Variants in MEI4 observed in about 807,000 individuals in gnomAD.
MEI4 encodes meiotic double-stranded break formation protein 4.
In MEI4, 27 loss-of-function variants were observed where a neutral mutation model predicts 31.4. That is an observed-to-expected ratio of 0.86 (90% CI 0.63 to 1.19). The LOEUF (loss-of-function observed/expected upper bound fraction) is 1.19, where lower values mean the gene tolerates loss of function less well. Among genes scored for constraint, MEI4 ranks in the 50% most tolerant of loss-of-function variants. The pLI is 0.00. For missense variants in MEI4, 329 were observed against 398.9 expected (o/e 0.82, Z 1.49); for synonymous variants, 122 against 145.4 (o/e 0.84, Z 1.16).
chr6:77,766,419 T>A (rs892478509), intron 3 of MEI4, among the ~76,000 whole-genome samples: 1 of 152,164 alleles, frequency 6.6e-6, no homozygotes, highest in Non-Finnish European at 1.5e-5. Context: ...GATATTTATT[T>A]ATTTATTTTT....
chr6:77,699,087 C>A lies in MEI4; in HGVS notation c.232+8184C>A, dbSNP rs532502705. Among the ~76,000 whole-genome samples the A allele has an allele frequency of 2.0e-5, 3 of 152,092 alleles. No individual in the cohort carries two copies. In the South Asian group the frequency reaches 6.2e-4, roughly 32 times the overall value. ...GCTCCTGAGGCTTCTGCATTCTTCA[C>A]GTAGTTCTTGAGCCTTGGCCTTCAG... On this transcript the variant is annotated intron_variant, in intron 2 of 4. Transcript: ENST00000684080.
chr6:77,738,876 G>A (rs945506602), intron 2 of MEI4, among the ~76,000 whole-genome samples: 5 of 152,064 alleles, frequency 3.3e-5, no homozygotes, highest in Admixed American at 6.6e-5. Context: ...TTTCTTGGCC[G>A]CATAAATGTC....
At chr6:77,872,801 A>T (rs903466095) in intron 4 of MEI4, among the ~76,000 whole-genome samples, 1 of 142,082 alleles carries the variant, frequency 7.0e-6, no homozygotes, top group Non-Finnish European at 1.5e-5. Flanking sequence ...TCATTGTTCA[A>T]TTCCCACCTA....
chr6:77,869,263 TTAGA>T (rs1771138081), intron 4 of MEI4, among the ~76,000 whole-genome samples: 1 of 152,126 alleles, frequency 6.6e-6, no homozygotes, highest in Non-Finnish European at 1.5e-5. Flanking sequence ...AGCTGTGTCA[TTAGA>T]TAGAATAATC....
intron 4 of MEI4, among the ~76,000 whole-genome samples, chr6:77,918,244 G>A (rs1233454816): frequency 2.4e-3 from 357 of 151,572 alleles, no homozygotes; most frequent in African/African-American, 7.5e-3. Flanking sequence ...TTGACTTGGC[G>A]ATGCAGGCTC....
At chr6:77,876,066 C>G (rs1206372253) in intron 4 of MEI4, among the ~76,000 whole-genome samples, 3 of 152,178 alleles carry the variant, frequency 2.0e-5, no homozygotes, top group Admixed American at 2.0e-4. Context: ...GCCATAGACA[C>G]TTTGTGAGAA....
rs1011635829 is a variant in MEI4, at chr6:77,805,755, A to G, written c.769-23176A>G. Among the ~76,000 whole-genome samples, 3 of 152,248 alleles carry G rather than the reference A, an allele frequency of 2.0e-5. No individual in the cohort carries two copies. The East Asian group carries it at 5.8e-4, about 29-fold the overall frequency. On this transcript the variant is annotated intron_variant, in intron 3 of 4. Transcript: ENST00000684080. ...AGGATAATGTATTGTTTAAAAATAT[A>G]TACAGGTCTCTTACATAGATAATTT...
intron 3 of MEI4, among the ~76,000 whole-genome samples, chr6:77,800,404 A>G (rs1344423244): frequency 6.6e-6 from 1 of 152,296 alleles, no homozygotes; most frequent in Non-Finnish European, 1.5e-5. Context: ...GGCTGAGACA[A>G]TGGGGTTTTC....
At chr6:77,677,402 T>C (rs1427793069) in intron 1 of MEI4, among the ~76,000 whole-genome samples, 1 of 152,190 alleles carries the variant, frequency 6.6e-6, no homozygotes, top group Non-Finnish European at 1.5e-5. Context: ...CCTTCTTTTC[T>C]CAGTTTATAT....
chr6:77,804,310 G>A (rs1030252932), intron 3 of MEI4, among the ~76,000 whole-genome samples: 28 of 152,204 alleles, frequency 1.8e-4, no homozygotes, highest in Admixed American at 1.6e-3. Flanking sequence ...GAAGAGCGCA[G>A]TATTAGGGTG....
At position 77,735,627 on chromosome 6, in the gene MEI4, C is replaced by G. The variant is rs1269087610; in HGVS notation, c.233-25503C>G. Among the ~76,000 whole-genome samples the G allele has an allele frequency of 5.9e-5, 9 of 152,218 alleles. No homozygotes were observed. In the East Asian group the frequency reaches 1.5e-3, roughly 26 times the overall value. ...ATTTGATTGTCTGAAGCCTTCTTCT[C>G]TTAGCTTGTCAAAGTCATTCTCTGT... On this transcript the variant is annotated intron_variant, in intron 2 of 4. Transcript: ENST00000684080.
chr6:77,902,411 T>C (rs1766204113), intron 4 of MEI4, among the ~76,000 whole-genome samples: 1 of 152,270 alleles, frequency 6.6e-6, no homozygotes, highest in African/African-American at 2.4e-5. Context: ...TTTTAATGTA[T>C]AGTTTTTTCA....
chr6:77,783,847 A>G (rs1335519703), intron 3 of MEI4, among the ~76,000 whole-genome samples: 1 of 152,188 alleles, frequency 6.6e-6, no homozygotes, highest in Admixed American at 6.6e-5. Context: ...AAATTTGTGT[A>G]TGTCCACTTA....
chr6:77,798,841 C>T (rs376616683), intron 3 of MEI4, among the ~76,000 whole-genome samples: 15,884 of 151,588 alleles, frequency 0.1, 1,078 homozygotes, highest in East Asian at 0.35. Flanking sequence ...TTTATGGCTG[C>T]GTAGTATTCC....
chr6:77,741,845 C>T (rs925630286), intron 2 of MEI4, among the ~76,000 whole-genome samples: 1 of 146,762 alleles, frequency 6.8e-6, no homozygotes, highest in Non-Finnish European at 1.5e-5. Flanking sequence ...GTTCAATTCC[C>T]ACCTATGAGT....
At chr6:77,692,954 A>G (rs963338114) in intron 2 of MEI4, among the ~76,000 whole-genome samples, 4 of 152,056 alleles carry the variant, frequency 2.6e-5, no homozygotes, top group African/African-American at 9.7e-5. Flanking sequence ...CTCAAAGAGA[A>G]TAGAGCCATG....
Position 77,900,160 on chromosome 6 carries a change from T to G in MEI4, c.901-22929T>G, listed in dbSNP as rs181648447. 2.0e-3 allele frequency among the ~76,000 whole-genome samples: 309 copies of G among 152,130 alleles called. 2 individuals are homozygous for G. Among genetic ancestry groups the G allele is most frequent in the Non-Finnish European group, 3.2e-3 (216 of 67,950 alleles). ...GCCAAAAAATAATTATTGGCAAGGA[T>G]GCAGAGTAAAGGGAACTCTTATACA... On this transcript the variant is annotated intron_variant, in intron 4 of 4. Coordinates refer to ENST00000684080, the MANE Select transcript of MEI4 (RefSeq NM_001322247.2).
chr6:77,850,506 G>T (rs890379834), intron 4 of MEI4, among the ~76,000 whole-genome samples: 1 of 152,080 alleles, frequency 6.6e-6, no homozygotes, highest in Non-Finnish European at 1.5e-5. Flanking sequence ...TCTGATCTCC[G>T]ACAAACCTGA....
At chr6:77,761,102 A>G (rs1768033652) in intron 2 of MEI4, 28 bp from the exon 3 acceptor site, 1 of 1,228,586 alleles carries the variant, frequency 8.1e-7, no homozygotes, top group African/African-American at 1.6e-5. Flanking sequence ...CTGCATGAAG[A>G]TAATCCTTCT....
Sources: allele counts gnomAD v4.1 joint callset (sites outside exome capture counted in the v4.1 genomes callset), GRCh38; gene constraint gnomAD v4.1.1; transcripts MANE v1.5; gene names NCBI Gene and HGNC (gene_info 2026-07-23, HGNC 2026-07-21).